Variants in SARM1 observed in about 807,000 individuals in gnomAD.
SARM1 encodes the protein NAD(+) hydrolase SARM1.
A neutral mutation model predicts 65.1 loss-of-function variants in SARM1; 60 were observed. The ratio of observed to expected loss-of-function variants is 0.92; its 90% CI spans 0.75 to 1.14. SARM1 has a LOEUF of 1.14. Ranked by LOEUF, SARM1 falls within the 50% of genes most tolerant of loss-of-function variation. SARM1 has a pLI of 0.00. For synonymous variants in SARM1, 417 were observed against 465.4 expected (o/e 0.90, Z 1.34); for missense variants, 913 against 1,015.7 (o/e 0.90, Z 1.37).
In SARM1 at chr17:28,396,018, C is replaced by T. The variant is rs371818392; in HGVS notation, c.2037C>T (p.Asn679=). 5.2e-5 allele frequency: 84 copies of T among 1,613,784 alleles called. No individual in the cohort carries two copies. Among genetic ancestry groups the T allele is most frequent in the Non-Finnish European group, 6.0e-5 (71 of 1,179,868 alleles). The change falls in exon 8 of 9, where the codon AAC becomes AAT. Residue 679 remains asparagine (N), a synonymous_variant. Coordinates refer to ENST00000585482, the MANE Select transcript of SARM1 (RefSeq NM_015077.4). ...ACATGCAGGCTGTGCTTACTTTCAA[C>T]GGTATCAAGTGAGCCCCAGGGCCCT... ...PEDMQAVLTF[N]GIKWSHEYQE...
rs2142458285 is a variant in SARM1, at chr17:28,402,010, T to C, written c.*5724T>C. The C allele has an allele frequency of 2.1e-6, 1 of 472,816 alleles. No homozygotes were observed. The highest frequency in any genetic ancestry group is 3.4e-5 in the East Asian group (1 of 29,642). 29.3% of individuals were successfully genotyped at this position (472,816 alleles called of 1,614,324 possible). On this transcript the variant is annotated 3_prime_UTR_variant, in exon 9 of 9. Transcript: ENST00000585482. ...CTCTGGTTATCTAGAAAGAACATAA[T>C]TGTGCTCTGCTGACTGCAAATCCCA...
Position 28,384,234 on chromosome 17 carries a change from G to T in SARM1, c.1090-123G>T. The T allele has an allele frequency of 1.4e-6, 1 of 732,804 alleles. No homozygotes were observed. The highest frequency in any genetic ancestry group is 2.2e-6 in the Non-Finnish European group (1 of 461,734). 45.4% of individuals were successfully genotyped at this position (732,804 alleles called of 1,614,324 possible). A position where few individuals can be genotyped will look rare whatever the true frequency, so the allele number is the denominator to read the frequency against. ...GGACCCCATGACTTAGTGGCTGAAG[G>T]TGGGGCCAGGGCAGATGGAGAGACT... On this transcript the variant is annotated intron_variant, in intron 2 of 8. Transcript: ENST00000585482. The surrounding 1 kb of genome is among the most constrained non-coding windows in gnomAD (Gnocchi z 4.4).
intron 2 of SARM1, among the ~76,000 whole-genome samples, chr17:28,382,522 G>A (rs1272397231): frequency 6.6e-6 from 1 of 152,058 alleles, no homozygotes; most frequent in African/African-American, 2.4e-5. Flanking sequence ...AGTCCCAAGG[G>A]GTCCTCATGT....
chr17:28,371,903 A>C lies in SARM1; in HGVS notation c.-130A>C. ...CTTCTGACCGGCACCCTTGCCTGGT[A>C]CCCTTCTCTCCATTCCTCCCCCTCC... On this transcript the variant is annotated 5_prime_UTR_variant, in exon 1 of 9. Transcript: ENST00000585482. 10 of 599,444 alleles carry C rather than the reference A, an allele frequency of 1.7e-5. No homozygotes were observed. The highest frequency in any genetic ancestry group is 2.7e-5 in the South Asian group (1 of 36,824). 37.1% of individuals were successfully genotyped at this position (599,444 alleles called of 1,614,324 possible).
chr17:28,384,955 C>T lies in SARM1; in HGVS notation c.1394+25C>T. The stretch of plus-strand genomic sequence containing the variant: ...GGTACGGAGCCTCCTGCCCGCCGGA[C>T]CCCAGCTAGGTCTAAATAAGCTCCC... On this transcript the variant is annotated intron_variant, in intron 4 of 8. Coordinates refer to ENST00000585482, the MANE Select transcript of SARM1 (RefSeq NM_015077.4). The surrounding 1 kb of genome is among the most constrained non-coding windows in gnomAD (Gnocchi z 4.4). 6.3e-7 allele frequency: 1 copy of T among 1,579,966 alleles called. No homozygotes were observed. Among genetic ancestry groups the T allele is most frequent in the Non-Finnish European group, 8.6e-7 (1 of 1,162,638 alleles).
In SARM1 at chr17:28,399,754, A is replaced by T. The variant is rs1555589126; in HGVS notation, c.*3468A>T. 1.9e-6 allele frequency: 3 copies of T among 1,608,562 alleles called. No individual in the cohort carries two copies. The Admixed American group carries it at 5.0e-5, about 27-fold the overall frequency. On this transcript the variant is annotated 3_prime_UTR_variant, in exon 9 of 9. Coordinates refer to ENST00000585482, the MANE Select transcript of SARM1 (RefSeq NM_015077.4). ...GAGAGAGTTTGGATTTCATGTGGGG[A>T]ACCCTCAAGGCCTGTCTGGAGAAGT...
chr17:28,380,057 C>CTTTTTTTTTTTTTTTTTTT (rs61029083), intron 1 of SARM1, among the ~76,000 whole-genome samples: 4 of 106,080 alleles, frequency 3.8e-5, no homozygotes, highest in East Asian at 2.7e-4. Flanking sequence ...TTTTTCTTTT[C>CTTTTTTTTTTTTTTTTTTT]TTTTTTTTTT....
At chr17:28,388,802 G>A (rs1019394410) in intron 7 of SARM1, among the ~76,000 whole-genome samples, 22 of 142,764 alleles carry the variant, frequency 1.5e-4, no homozygotes, top group Middle Eastern at 3.6e-3. Flanking sequence ...GTAGAGTCTC[G>A]CTCTGTCACT....
At chr17:28,376,040 C>T (rs902550611) in intron 1 of SARM1, among the ~76,000 whole-genome samples, 2 of 152,244 alleles carry the variant, frequency 1.3e-5, no homozygotes, top group African/African-American at 4.8e-5. Context: ...AATATCTGCC[C>T]ATTTCACCAG....
At position 28,381,362 on chromosome 17, in the gene SARM1, G is replaced by T. The variant is rs781842770; in HGVS notation, c.630G>T (p.Ala210=). The change falls in exon 2 of 9, where the codon GCG becomes GCT. Residue 210 remains alanine, a synonymous_variant. Coordinates refer to ENST00000585482, the MANE Select transcript of SARM1 (RefSeq NM_015077.4). ...QRLVAAGGLD[A]VLYWCRRTDP... ...TGGTGGCGGCCGGCGGCCTGGACGC[G>T]GTGCTGTATTGGTGCCGCCGCACGG... is the stretch of plus-strand genomic sequence containing the variant. The T allele has an allele frequency of 1.7e-5, 26 of 1,575,006 alleles. No individual in the cohort carries two copies. The highest frequency in any genetic ancestry group is 2.2e-5 in the Non-Finnish European group (26 of 1,161,566).
At position 28,396,221 on chromosome 17, in the gene SARM1, T is replaced by G. The variant is rs782222454; in HGVS notation, c.2110T>G (p.Ser704Ala). 3.7e-6 allele frequency: 6 copies of G among 1,613,956 alleles called. No individual in the cohort carries two copies. The highest frequency in any genetic ancestry group is 5.1e-6 in the Non-Finnish European group (6 of 1,179,858). Reference sequence around the variant, plus strand: ...CATCCGCTTCCTGCAGGGCCGCTCCTCCCGGGACTCATCTGCAGGCTCTGA... The same window carrying G: ...CATCCGCTTCCTGCAGGGCCGCTCCGCCCGGGACTCATCTGCAGGCTCTGA... ...KIIRFLQGRSSRDSSAGSDTS... is the reference protein window; with the variant it reads ...KIIRFLQGRSARDSSAGSDTS... The change falls in exon 9 of 9, where the codon TCC (serine) becomes GCC (alanine). Residue 704 changes from serine to alanine, a missense_variant. Ser to Ala is a moderately conservative substitution (Grantham distance 99, BLOSUM62 1). Transcript: ENST00000585482.
Position 28,384,209 on chromosome 17 carries a change from G to A in SARM1, c.1090-148G>A, listed in dbSNP as rs2068038038. The A allele has an allele frequency of 1.6e-6, 1 of 611,052 alleles. No individual in the cohort carries two copies. The highest frequency in any genetic ancestry group is 4.0e-4 in the Middle Eastern group (1 of 2,510). 37.9% of individuals were successfully genotyped at this position (611,052 alleles called of 1,614,324 possible). A position where few individuals can be genotyped will look rare whatever the true frequency, so the allele number is the denominator to read the frequency against. The stretch of plus-strand genomic sequence containing the variant: ...AGAACTTCAGGAGGGGGAATCCGCA[G>A]GACCCCATGACTTAGTGGCTGAAGG... On this transcript the variant is annotated intron_variant, in intron 2 of 8. Coordinates refer to ENST00000585482, the MANE Select transcript of SARM1 (RefSeq NM_015077.4). The surrounding 1 kb of genome is among the most constrained non-coding windows in gnomAD (Gnocchi z 4.4).
chr17:28,402,234 T>C lies in SARM1; in HGVS notation c.*5948T>C, dbSNP rs2068204632. On this transcript the variant is annotated 3_prime_UTR_variant, in exon 9 of 9. Coordinates refer to ENST00000585482, the MANE Select transcript of SARM1 (RefSeq NM_015077.4). ...ACCAGACACAGGTGGGTTCTGACAC[T>C]CACCCTGCTCTGTCTCTCTCACCAG... The C allele has an allele frequency of 6.2e-7, 1 of 1,611,600 alleles. No homozygotes were observed. The highest frequency in any genetic ancestry group is 1.3e-5 in the African/African-American group (1 of 74,906).
rs1555584141 is a variant in SARM1, at chr17:28,372,185, C to G, written c.153C>G (p.Arg51=). 1 of 1,362,634 alleles carries G rather than the reference C, an allele frequency of 7.3e-7. No individual in the cohort carries two copies. 84.4% of individuals were successfully genotyped at this position (1,362,634 alleles called of 1,614,324 possible). Residue 51 remains arginine (R), a synonymous_variant, in exon 1 of 9, where the codon CGC becomes CGG. Transcript: ENST00000585482. This position sits in a 1 kb window ranked among gnomAD's most constrained non-coding sequence, Gnocchi z 5.2. ...GGGCTGCGGGTGGCCGCGGGCCCCG[C>G]GAAGTGTCGCCGGGGGCAGGCACCG... The part of the protein sequence containing the change: ...PWWAAGGRGP[R]EVSPGAGTEV...
chr17:28,372,413 C>A lies in SARM1; in HGVS notation c.381C>A (p.Asp127Glu), dbSNP rs1359449112. 1.3e-6 allele frequency: 2 copies of A among 1,529,746 alleles called. No individual in the cohort carries two copies. The highest frequency in any genetic ancestry group is 5.0e-5 in the East Asian group (2 of 40,248). 94.8% of individuals were successfully genotyped at this position (1,529,746 alleles called of 1,614,324 possible). The part of the protein sequence containing the change: ...CDAIRLDGGL[D>E]LLLRLLQAPE... ...CCATCCGCCTCGATGGCGGCCTCGA[C>A]CTGCTGTTGCGGCTGCTGCAGGCGC... Residue 127 changes from aspartate to glutamate, a missense_variant, in exon 1 of 9, where the codon GAC (aspartate) becomes GAA (glutamate). By Grantham distance (45) the Asp-to-Glu change is conservative (BLOSUM62 2). Coordinates refer to ENST00000585482, the MANE Select transcript of SARM1 (RefSeq NM_015077.4). This position sits in a 1 kb window ranked among gnomAD's most constrained non-coding sequence, Gnocchi z 5.2.
Position 28,402,117 on chromosome 17 carries a change from C to T in SARM1, c.*5831C>T. ...CACAGAAATGTGTTTGTTTTGGCCA[C>T]TTACTTCTCCAGGGTGAGAGGGGGG... On this transcript the variant is annotated 3_prime_UTR_variant, in exon 9 of 9. Coordinates refer to ENST00000585482, the MANE Select transcript of SARM1 (RefSeq NM_015077.4). 1.3e-6 allele frequency: 1 copy of T among 799,322 alleles called. No homozygotes were observed. Among genetic ancestry groups the T allele is most frequent in the Non-Finnish European group, 1.9e-6 (1 of 514,206 alleles). The allele number at this position is 799,322 out of a possible 1,614,324, so 49.5% of individuals were successfully genotyped here. A position where few individuals can be genotyped will look rare whatever the true frequency, so the allele number is the denominator to read the frequency against.
rs2068190659 is a variant in SARM1 at position 28,400,969 on chromosome 17, A to G, written c.*4683A>G. 1.7e-6 allele frequency: 1 copy of G among 599,324 alleles called. No individual in the cohort carries two copies. Among genetic ancestry groups the G allele is most frequent in the East Asian group, 2.9e-5 (1 of 34,792 alleles). 37.1% of individuals were successfully genotyped at this position (599,324 alleles called of 1,614,324 possible). ...CAGTAGCTGGCACAGAGGGGCTACT[A>G]AACAAATGGCTGCTATTAAATCCAC... On this transcript the variant is annotated 3_prime_UTR_variant, in exon 9 of 9. Coordinates refer to ENST00000585482, the MANE Select transcript of SARM1 (RefSeq NM_015077.4).
At position 28,400,504 on chromosome 17, in the gene SARM1, G is replaced by A; in HGVS notation, c.*4218G>A. 1 of 1,467,806 alleles carries A rather than the reference G, an allele frequency of 6.8e-7. No homozygotes were observed. Among genetic ancestry groups the A allele is most frequent in the Non-Finnish European group, 9.2e-7 (1 of 1,084,060 alleles). The allele number at this position is 1,467,806 out of a possible 1,614,324, so 90.9% of individuals were successfully genotyped here. A position where few individuals can be genotyped will look rare whatever the true frequency, so the allele number is the denominator to read the frequency against. ...GCAACCTGGGACAAGACACCCAGAG[G>A]GTAAGGATTCCAGGAATGAAGCTGC... On this transcript the variant is annotated 3_prime_UTR_variant, in exon 9 of 9. Coordinates refer to ENST00000585482, the MANE Select transcript of SARM1 (RefSeq NM_015077.4).
At chr17:28,382,904 TC>T (rs1555585498) in intron 2 of SARM1, among the ~76,000 whole-genome samples, 3 of 152,200 alleles carry the variant, frequency 2.0e-5, no homozygotes, top group Non-Finnish European at 2.9e-5. Context: ...ACAATATCAC[TC>T]TCTCTTCTTT....
Sources: gnomAD v4.1 joint callset for allele counts (sites outside exome capture counted in the v4.1 genomes callset) on GRCh38, gnomAD v4.1.1 for gene constraint, Gnocchi (gnomAD v3.1) non-coding constraint, MANE v1.5 for transcripts, NCBI Gene and HGNC (gene_info 2026-07-23, HGNC 2026-07-21) for gene names.